SYTL5: variants seen among roughly 807,000 people sequenced by gnomAD.
SYTL5 encodes the protein synaptotagmin-like protein 5.
SYTL5 carries 34 observed loss-of-function variants against 55.9 expected under a neutral mutation model. The ratio of observed to expected loss-of-function variants is 0.61; its 90% CI spans 0.46 to 0.81. The LOEUF (loss-of-function observed/expected upper bound fraction) is 0.81. SYTL5 is among the 30% of genes least tolerant of loss of function. SYTL5 has a pLI of 0.00. For synonymous variants in SYTL5, 221 were observed against 188.7 expected (o/e 1.17, Z -1.40); for missense variants, 637 against 546.7 (o/e 1.17, Z -1.65).
chrX:38,066,163 TAGAA>T (rs1936095901), intron 3 of SYTL5, among the ~76,000 whole-genome samples: 1 of 111,876 alleles, frequency 8.9e-6, no homozygotes, highest in Admixed American at 9.5e-5. Flanking sequence ...TTATGAATAA[TAGAA>T]AGGAACTAAT....
chrX:37,918,863 G>A, the SYTL5 span, among the ~76,000 whole-genome samples: 41 of 110,740 alleles, frequency 3.7e-4, no homozygotes, highest in African/African-American at 1.3e-3. Context: ...TCTCATTCCA[G>A]TCATCCCGTG....
the SYTL5 span, among the ~76,000 whole-genome samples, chrX:37,903,405 A>G: frequency 1.8e-5 from 2 of 108,483 alleles, no homozygotes; most frequent in African/African-American, 6.7e-5. Context: ...TTGTAGGGAC[A>G]TGGATGAAGC....
chrX:37,915,465 G>T, the SYTL5 span, among the ~76,000 whole-genome samples: 3 of 111,612 alleles, frequency 2.7e-5, no homozygotes, highest in Non-Finnish European at 3.8e-5. Flanking sequence ...ACGGTTATCA[G>T]AAATTAAAAG....
the SYTL5 span, among the ~76,000 whole-genome samples, chrX:37,984,795 G>A: frequency 9.0e-6 from 1 of 111,584 alleles, no homozygotes; most frequent in African/African-American, 3.2e-5. Context: ...CCATGACCAA[G>A]TGGGATTTAT....
At chrX:37,933,774 G>C in the SYTL5 span, among the ~76,000 whole-genome samples, 5 of 111,547 alleles carry the variant, frequency 4.5e-5, no homozygotes, top group African/African-American at 1.6e-4. Flanking sequence ...CATATATAGG[G>C]CTCTTTGCAT....
Position 38,030,319 on chromosome X carries a change from T to C in SYTL5, c.-356-3215T>C, listed in dbSNP as rs751874169. ...ATGCAAAACAGAATAGAACCTTAGATTTTTAAAGGAATCTATCCATTTCCA... is the reference window on the plus strand; with the variant it reads ...ATGCAAAACAGAATAGAACCTTAGACTTTTAAAGGAATCTATCCATTTCCA... On this transcript the variant is annotated intron_variant, in intron 1 of 16. Transcript: ENST00000297875. 5.4e-5 allele frequency among the ~76,000 whole-genome samples: 6 copies of C among 112,016 alleles called. No homozygotes were observed. The South Asian group carries it at 2.2e-3, about 42-fold the overall frequency.
At chrX:37,987,321 C>CT in the SYTL5 span, among the ~76,000 whole-genome samples, 7 of 112,123 alleles carry the variant, frequency 6.2e-5, no homozygotes, top group South Asian at 7.4e-4. Flanking sequence ...TACTGCTGTC[C>CT]TTTTTTACCA....
At chrX:37,957,363 A>G in the SYTL5 span, among the ~76,000 whole-genome samples, 1 of 111,774 alleles carries the variant, frequency 8.9e-6, no homozygotes, top group Non-Finnish European at 1.9e-5. Flanking sequence ...AAGAACCAAC[A>G]TTATGAAGCT....
At chrX:38,025,673 C>T (rs891129524) in intron 1 of SYTL5, among the ~76,000 whole-genome samples, 1 of 112,156 alleles carries the variant, frequency 8.9e-6, no homozygotes, top group Admixed American at 9.5e-5. Flanking sequence ...GAATTTCACC[C>T]TCCTAATCTG....
the SYTL5 span, among the ~76,000 whole-genome samples, chrX:37,974,980 G>A: frequency 8.9e-6 from 1 of 112,162 alleles, no homozygotes; most frequent in Non-Finnish European, 1.9e-5. Flanking sequence ...TCTTAGCATT[G>A]TACCCTCAGA....
At position 38,076,830 on chromosome X, in the gene SYTL5, T is replaced by C. The variant is rs1340586977; in HGVS notation, c.689+129T>C. 9.8e-6 allele frequency: 7 copies of C among 712,308 alleles called. No homozygotes were observed. The East Asian group carries it at 2.4e-4, about 24-fold the overall frequency. The allele number at this position is 712,308 out of a possible 1,213,427, so 58.7% of individuals were successfully genotyped here. Reference sequence around the variant, plus strand: ...GAACTCCTAACACATAATGTGAAAATTCAGGAAGATATTTTTTAGTTGATA... The same window carrying C: ...GAACTCCTAACACATAATGTGAAAACTCAGGAAGATATTTTTTAGTTGATA... On this transcript the variant is annotated intron_variant, in intron 6 of 16. Transcript: ENST00000297875.
At chrX:37,893,565 A>G in the SYTL5 span, among the ~76,000 whole-genome samples, 1 of 90,209 alleles carries the variant, frequency 1.1e-5, no homozygotes, top group Non-Finnish European at 2.1e-5. Context: ...TATAGATTAT[A>G]TATACAATCT....
chrX:37,960,806 ATTTATTTG>A, the SYTL5 span, among the ~76,000 whole-genome samples: 4 of 90,318 alleles, frequency 4.4e-5, no homozygotes, highest in South Asian at 9.6e-4. Flanking sequence ...TTATTTATTT[ATTTATTTG>A]AGATGGAGTC....
intron 1 of SYTL5, among the ~76,000 whole-genome samples, chrX:38,015,322 T>C (rs912636548): frequency 8.9e-6 from 1 of 112,519 alleles, no homozygotes; most frequent in African/African-American, 3.2e-5. Context: ...AATCCCACCA[T>C]TTCACATGAA....
intron 4 of SYTL5, among the ~76,000 whole-genome samples, chrX:38,072,890 A>G (rs1272773493): frequency 1.8e-5 from 2 of 112,079 alleles, no homozygotes; most frequent in Non-Finnish European, 3.8e-5. Context: ...AGCGGAAGAA[A>G]CATCTTTCAG....
chrX:38,054,486 G>T, intron 3 of SYTL5, 64 bp downstream of exon 3: 1 of 1,033,000 alleles, frequency 9.7e-7, no homozygotes, highest in Non-Finnish European at 1.3e-6. Flanking sequence ...AGTGGGGAAG[G>T]CAAAAGAGAA....
chrX:38,091,791 AG>A (rs377746109), intron 7 of SYTL5, among the ~76,000 whole-genome samples: 36 of 111,922 alleles, frequency 3.2e-4, no homozygotes, highest in African/African-American at 1.1e-3. Context: ...TGAGATTATT[AG>A]GGGGGAAATC....
chrX:38,070,977 C>T (rs1046573716), intron 3 of SYTL5, among the ~76,000 whole-genome samples: 1 of 111,258 alleles, frequency 9.0e-6, no homozygotes, highest in East Asian at 2.8e-4. Flanking sequence ...AGCCAAGGTC[C>T]CTGCCCTCAT....
chrX:38,117,421 T>A (rs1937511692), intron 13 of SYTL5, among the ~76,000 whole-genome samples: 1 of 112,153 alleles, frequency 8.9e-6, no homozygotes, highest in Non-Finnish European at 1.9e-5. Flanking sequence ...TATATTAGTA[T>A]GTGATTCCTA....
Sources: gnomAD v4.1 joint callset for allele counts (sites outside exome capture counted in the v4.1 genomes callset) on GRCh38, gnomAD v4.1.1 for gene constraint, MANE v1.5 for transcripts, NCBI Gene and HGNC (gene_info 2026-07-23, HGNC 2026-07-21) for gene names.